Variants in DSCAM observed in about 807,000 individuals in gnomAD.
DSCAM encodes the protein cell adhesion molecule DSCAM.
A neutral mutation model predicts 217.7 loss-of-function variants in DSCAM; 47 were observed. The ratio of observed to expected loss-of-function variants is 0.22; its 90% confidence interval spans 0.17 to 0.28. The LOEUF (loss-of-function observed/expected upper bound fraction) is 0.28. DSCAM is among the 10% of genes least tolerant of loss of function. The pLI is 1.00. For synonymous variants in DSCAM, 1,056 were observed against 1,015.3 expected, an observed-to-expected ratio of 1.04 and a Z score of -0.76; for missense variants, 2,080 against 2,618.3, an observed-to-expected ratio of 0.79 and a Z score of 4.49.
At chr21:40,235,311 C>T (rs527579934) in intron 11 of DSCAM, among the ~76,000 whole-genome samples, 1 of 152,280 alleles carries the variant, frequency 6.6e-6, no homozygotes, top group South Asian at 2.1e-4. Flanking sequence ...CTAGCCTCTA[C>T]AAGAAACACA....
chr21:40,223,087 C>T (rs1364961174), intron 11 of DSCAM, among the ~76,000 whole-genome samples: 3 of 152,206 alleles, frequency 2.0e-5, no homozygotes, highest in East Asian at 1.9e-4. Flanking sequence ...GGTGTGGCCT[C>T]TCTTTCCCCT....
At chr21:40,600,679 A>G (rs1471122414) in intron 3 of DSCAM, among the ~76,000 whole-genome samples, 1 of 152,118 alleles carries the variant, frequency 6.6e-6, no homozygotes, top group Non-Finnish European at 1.5e-5. Context: ...TCTCTAATCA[A>G]TTTTGAGTTT....
intron 3 of DSCAM, among the ~76,000 whole-genome samples, chr21:40,661,021 G>A (rs557230505): frequency 1.5e-4 from 23 of 152,236 alleles, no homozygotes; most frequent in African/African-American, 5.1e-4. Flanking sequence ...TTTGGACTCT[G>A]ATTACATTTG....
intron 1 of DSCAM, among the ~76,000 whole-genome samples, chr21:40,826,555 A>T (rs2091970622): frequency 6.6e-6 from 1 of 152,256 alleles, no homozygotes; most frequent in Admixed American, 6.5e-5. Flanking sequence ...ATGATAGTCC[A>T]GGCAAAAAGG....
intron 1 of DSCAM, among the ~76,000 whole-genome samples, chr21:40,835,980 C>T (rs73903029): frequency 6.6e-5 from 10 of 152,262 alleles, no homozygotes; most frequent in African/African-American, 2.4e-4. Context: ...CCAAGAACAT[C>T]CAACAGAGCA....
intron 3 of DSCAM, among the ~76,000 whole-genome samples, chr21:40,600,297 CCAG>C (rs2077052728): frequency 2.0e-5 from 3 of 152,148 alleles, no homozygotes; most frequent in Non-Finnish European, 4.4e-5. Flanking sequence ...GATCAGGGCA[CCAG>C]CAGATTTGCT....
intron 1 of DSCAM, among the ~76,000 whole-genome samples, chr21:40,760,100 T>G (rs1479215132): frequency 6.6e-6 from 1 of 151,938 alleles, no homozygotes; most frequent in East Asian, 1.9e-4. Context: ...TTCAAGCAAC[T>G]CTTCAGCCTC....
chr21:40,473,822 G>A (rs559143571), intron 3 of DSCAM, among the ~76,000 whole-genome samples: 1 of 152,248 alleles, frequency 6.6e-6, no homozygotes, highest in South Asian at 2.1e-4. Flanking sequence ...GGACAACCAC[G>A]TTAGGACACA....
intron 1 of DSCAM, among the ~76,000 whole-genome samples, chr21:40,740,931 T>C (rs2091117507): frequency 6.6e-6 from 1 of 152,252 alleles, no homozygotes; most frequent in Non-Finnish European, 1.5e-5. Flanking sequence ...GTTAGGCAGC[T>C]TATAGTCTCT....
At chr21:40,430,828 C>T (rs1343525189) in intron 3 of DSCAM, among the ~76,000 whole-genome samples, 3 of 152,148 alleles carry the variant, frequency 2.0e-5, no homozygotes, top group African/African-American at 4.8e-5. Flanking sequence ...AATGAGATAC[C>T]GTGTGCGACG....
intron 32 of DSCAM, among the ~76,000 whole-genome samples, chr21:40,039,742 G>T (rs2088708879): frequency 6.6e-6 from 1 of 152,136 alleles, no homozygotes; most frequent in Admixed American, 6.5e-5. Context: ...CCACAGTCTG[G>T]CCAAATTCAT....
chr21:40,265,863 G>GTGGATT (rs1286240167), intron 11 of DSCAM, among the ~76,000 whole-genome samples: 3 of 152,068 alleles, frequency 2.0e-5, no homozygotes, highest in Non-Finnish European at 4.4e-5. Context: ...TTAACTCAAG[G>GTGGATT]TGGATTAAAG....
chr21:40,087,158 G>C lies in DSCAM; in HGVS notation c.3968+12C>G. 1 of 1,581,624 alleles carries C rather than the reference G, an allele frequency of 6.3e-7. No homozygotes were observed. The highest frequency in any genetic ancestry group is 8.7e-7 in the Non-Finnish European group (1 of 1,150,334). On this transcript the variant is annotated intron_variant, in intron 22 of 32. Coordinates refer to ENST00000400454, the MANE Select transcript of DSCAM (RefSeq NM_001389.5). Reference sequence around the variant, plus strand: ...GAGTCTCACTGAAGGCATACATTGGGTTACTGGTTACCTGTCTTTCATCCA... The same window carrying C: ...GAGTCTCACTGAAGGCATACATTGGCTTACTGGTTACCTGTCTTTCATCCA...
chr21:40,663,038 CACATGTGAGTGTGTGTGTGT>C (rs1483996551), intron 3 of DSCAM, among the ~76,000 whole-genome samples: 1 of 142,320 alleles, frequency 7.0e-6, no homozygotes, highest in Non-Finnish European at 1.5e-5. Context: ...TGTGTGTGTG[CACATGTGAGTGTGTGTGTGT>C]GCGCACCTGT....
chr21:40,589,462 G>A (rs2076969099), intron 3 of DSCAM, among the ~76,000 whole-genome samples: 1 of 152,126 alleles, frequency 6.6e-6, no homozygotes, highest in African/African-American at 2.4e-5. Context: ...TGTAATCCCA[G>A]CTACTTGGGA....
intron 3 of DSCAM, among the ~76,000 whole-genome samples, chr21:40,686,640 TAC>T (rs1325103752): frequency 3.9e-5 from 6 of 152,214 alleles, no homozygotes; most frequent in Non-Finnish European, 8.8e-5. Flanking sequence ...TACTCCACAA[TAC>T]ACAGTTTGCA....
chr21:40,283,106 A>G (rs559460532), intron 10 of DSCAM, among the ~76,000 whole-genome samples: 1 of 152,356 alleles, frequency 6.6e-6, no homozygotes, highest in African/African-American at 2.4e-5. Flanking sequence ...AAGGGCTAGC[A>G]TTTGTTTAAT....
rs567839570 is a variant in DSCAM, at chr21:40,825,579, A to G, written c.43+21040T>C. ...GCAATCTGCCCACCTCAGCCTCCCA[A>G]AATGCTGGGTTACAGGCATGAGCCA... On this transcript the variant is annotated intron_variant, in intron 1 of 32. Transcript: ENST00000400454. Among the ~76,000 whole-genome samples the G allele has an allele frequency of 4.2e-4, 64 of 152,180 alleles. 1 individual carries two copies. Among genetic ancestry groups the G allele is most frequent in the African/African-American group, 1.5e-3 (62 of 41,514 alleles).
chr21:40,118,464 G>T (rs2089997354), intron 20 of DSCAM, among the ~76,000 whole-genome samples: 1 of 152,168 alleles, frequency 6.6e-6, no homozygotes, highest in African/African-American at 2.4e-5. Flanking sequence ...GCGGGTGCCT[G>T]TAATCCCAGC....
Sources: allele counts gnomAD v4.1 joint callset (sites outside exome capture counted in the v4.1 genomes callset), GRCh38; gene constraint gnomAD v4.1.1; transcripts MANE v1.5; gene names NCBI Gene and HGNC (gene_info 2026-07-23, HGNC 2026-07-21).